Variants in NR6A1 observed in about 807,000 individuals in gnomAD.
NR6A1 encodes the protein retinoic acid receptor-related testis-associated receptor.
Under a neutral mutation model 59.1 loss-of-function variants are expected in NR6A1, and 7 were observed. That is an observed-to-expected ratio of 0.12 (90% CI 0.07 to 0.22). NR6A1 has a LOEUF of 0.22. NR6A1 is among the 10% of genes least tolerant of loss of function. The probability of loss-of-function intolerance (pLI) is 1.00; values close to 1 mark genes in which losing one functional copy is unlikely to be tolerated. For missense variants in NR6A1, 468 were observed against 611.6 expected (o/e 0.77, Z 2.48); for synonymous variants, 243 against 236.1 (o/e 1.03, Z -0.27).
rs1237982057 is a variant in NR6A1 at position 124,733,301 on chromosome 9, A to C, written c.142+7T>G. On this transcript the variant is annotated splice_region_variant and intron_variant, in intron 2 of 9. Coordinates refer to ENST00000487099, the MANE Select transcript of NR6A1 (RefSeq NM_033334.4). ...CCAAAGAATATTGGGTAACATTGAGAACTTACTAGTGCCTGGGTCAAGCTC... is the reference window on the plus strand; with the variant it reads ...CCAAAGAATATTGGGTAACATTGAGCACTTACTAGTGCCTGGGTCAAGCTC... 51 of 1,607,004 alleles carry C rather than the reference A, an allele frequency of 3.2e-5. No homozygotes were observed. The highest frequency in any genetic ancestry group is 4.1e-5 in the Non-Finnish European group (48 of 1,173,498).
intron 2 of NR6A1, among the ~76,000 whole-genome samples, chr9:124,588,938 G>GAA (rs1020296719): frequency 1.5e-5 from 2 of 129,132 alleles, no homozygotes; most frequent in Admixed American, 7.4e-5. Flanking sequence ...AAAAAAGAAA[G>GAA]AAAAAAAAAA....
intron 2 of NR6A1, among the ~76,000 whole-genome samples, chr9:124,691,200 CA>C (rs1838533610): frequency 6.6e-6 from 1 of 152,192 alleles, no homozygotes; most frequent in African/African-American, 2.4e-5. Flanking sequence ...AATTTACTGT[CA>C]TAACACTGAA....
chr9:124,594,278 CT>C (rs1474952216), intron 2 of NR6A1, among the ~76,000 whole-genome samples: 3 of 152,164 alleles, frequency 2.0e-5, no homozygotes, highest in African/African-American at 7.2e-5. Context: ...AAGTTATTTT[CT>C]GCAGTTGAAT....
chr9:124,582,703 A>G (rs559008344), intron 2 of NR6A1, among the ~76,000 whole-genome samples: 9 of 152,192 alleles, frequency 5.9e-5, no homozygotes, highest in Non-Finnish European at 1.3e-4. Context: ...CCAGGCCAAT[A>G]CAGTGAGACC....
intron 1 of NR6A1, among the ~76,000 whole-genome samples, chr9:124,743,837 C>CGT (rs1840247548): frequency 6.6e-6 from 1 of 152,110 alleles, no homozygotes; most frequent in African/African-American, 2.4e-5. Flanking sequence ...GAAAACTGCA[C>CGT]GTACTGATGA....
rs374627190 is a variant in NR6A1, at chr9:124,640,944, A to G, written c.143-86374T>C. 1.2e-3 allele frequency among the ~76,000 whole-genome samples: 180 copies of G among 152,334 alleles called. 2 individuals carry two copies. Among genetic ancestry groups the G allele is most frequent in the African/African-American group, 3.8e-3 (160 of 41,582 alleles). On this transcript the variant is annotated intron_variant, in intron 2 of 9. Coordinates refer to ENST00000487099, the MANE Select transcript of NR6A1 (RefSeq NM_033334.4). ...AATTACAACAGCAGTCCCTATAGAC[A>G]AGCTAAAATAAGAAGTTAAGAAACT...
At chr9:124,638,139 C>T (rs1836669326) in intron 2 of NR6A1, among the ~76,000 whole-genome samples, 1 of 151,670 alleles carries the variant, frequency 6.6e-6, no homozygotes, top group South Asian at 2.1e-4. Context: ...ACCTGTAGTC[C>T]TAGCTACTCA....
chr9:124,593,433 A>G lies in NR6A1; in HGVS notation c.143-38863T>C, dbSNP rs1835184280. 3.9e-5 allele frequency among the ~76,000 whole-genome samples: 6 copies of G among 152,332 alleles called. No homozygotes were observed. The South Asian group carries it at 1.2e-3, about 32-fold the overall frequency. ...AGAAAAAGGGAGGGAGGAAGAGAGC[A>G]GAGAGGGGGAGAGAGAGAAGAAAAA... On this transcript the variant is annotated intron_variant, in intron 2 of 9. Transcript: ENST00000487099.
chr9:124,667,710 C>T (rs1349656939), intron 2 of NR6A1, among the ~76,000 whole-genome samples: 1 of 152,152 alleles, frequency 6.6e-6, no homozygotes, highest in East Asian at 1.9e-4. Context: ...CCTCTGAAGA[C>T]TATTATAAAA....
chr9:124,719,867 G>A (rs1307225551), intron 2 of NR6A1, among the ~76,000 whole-genome samples: 1 of 151,980 alleles, frequency 6.6e-6, no homozygotes, highest in Non-Finnish European at 1.5e-5. Context: ...GCTGCAGTGA[G>A]CCATGATCGC....
chr9:124,684,789 C>A (rs950715709), intron 2 of NR6A1, among the ~76,000 whole-genome samples: 1 of 152,124 alleles, frequency 6.6e-6, no homozygotes, highest in African/African-American at 2.4e-5. Context: ...TCATTTCATA[C>A]CATGGACGGA....
Position 124,556,649 on chromosome 9 carries a change from C to T in NR6A1, c.143-2079G>A, listed in dbSNP as rs569350869. 3.7e-4 allele frequency among the ~76,000 whole-genome samples: 56 copies of T among 151,770 alleles called. 1 individual carries two copies. The highest frequency in any genetic ancestry group is 7.4e-4 in the Non-Finnish European group (50 of 67,866). ...CTAATTTTTGTATTTTTAGTAGAGA[C>T]GGGGTTTTACCATCTTGGCCAGGCT... On this transcript the variant is annotated intron_variant, in intron 2 of 9. Transcript: ENST00000487099.
rs750932922 is a variant in NR6A1, at chr9:124,538,282, C to T, written c.634G>A (p.Glu212Lys). 2.5e-5 allele frequency: 41 copies of T among 1,613,994 alleles called. No homozygotes were observed. The highest frequency in any genetic ancestry group is 3.3e-4 in the Middle Eastern group (2 of 6,084). ...GGCACAGACATTCCCATGTACTGTT[C>T]CCTGAAGGCCATGAATCCATTCAGT... The part of the protein sequence containing the change: ...VELNGFMAFR[E>K]QYMGMSVPPH... The change falls in exon 6 of 10, where the codon GAA becomes AAA. Residue 212 changes from glutamate to lysine, a missense_variant. Coordinates refer to ENST00000487099, the MANE Select transcript of NR6A1 (RefSeq NM_033334.4).
At chr9:124,581,479 C>A (rs1834763946) in intron 2 of NR6A1, among the ~76,000 whole-genome samples, 2 of 152,074 alleles carry the variant, frequency 1.3e-5, no homozygotes, top group South Asian at 4.1e-4. Flanking sequence ...GTAGTCCCAG[C>A]TACTCGGGAG....
chr9:124,646,615 G>A (rs984416757), intron 2 of NR6A1, among the ~76,000 whole-genome samples: 2 of 152,100 alleles, frequency 1.3e-5, no homozygotes, highest in African/African-American at 4.8e-5. Context: ...AAGTGTCTTA[G>A]GCCACACATA....
intron 2 of NR6A1, among the ~76,000 whole-genome samples, chr9:124,678,462 G>A (rs145893091): frequency 1.3e-5 from 2 of 152,270 alleles, no homozygotes; most frequent in East Asian, 3.9e-4. Flanking sequence ...AGCACTTCTG[G>A]GGACAACTGG....
At chr9:124,695,810 G>T (rs977236845) in intron 2 of NR6A1, among the ~76,000 whole-genome samples, 3 of 152,076 alleles carry the variant, frequency 2.0e-5, no homozygotes, top group African/African-American at 7.2e-5. Flanking sequence ...GAAAACATTA[G>T]AAAAGAATGT....
chr9:124,761,262 CA>C, intron 1 of NR6A1, among the ~76,000 whole-genome samples: 1 of 152,340 alleles, frequency 6.6e-6, no homozygotes. Context: ...AGGTACATTA[CA>C]TGAAACTCCA....
chr9:124,601,598 A>T (rs977821022), intron 2 of NR6A1, among the ~76,000 whole-genome samples: 3 of 147,708 alleles, frequency 2.0e-5, no homozygotes, highest in Non-Finnish European at 3.0e-5. Context: ...AAAAAAAAAA[A>T]AGAAAGAAAA....
Sources: gnomAD v4.1 joint callset for allele counts (sites outside exome capture counted in the v4.1 genomes callset) on GRCh38, gnomAD v4.1.1 for gene constraint, MANE v1.5 for transcripts, NCBI Gene and HGNC (gene_info 2026-07-23, HGNC 2026-07-21) for gene names.